The following PLCL1 variants were observed in gnomAD, a reference collection of about 807,000 sequenced individuals.
PLCL1 encodes phospholipase C like 1 (inactive), also known as inactive phospholipase C-like protein 1.
Under a neutral mutation model 84.4 loss-of-function variants are expected in PLCL1, and 41 were observed. That is an observed-to-expected ratio of 0.49 (90% CI 0.38 to 0.63). The LOEUF (loss-of-function observed/expected upper bound fraction) is 0.63. Ranked by LOEUF, PLCL1 falls within the 30% of genes least tolerant of loss-of-function variation. PLCL1 has a pLI of 0.00. For missense variants in PLCL1, 1,206 were observed against 1,367.8 expected (o/e 0.88, Z 1.87); for synonymous variants, 490 against 488.3 (o/e 1.00, Z -0.05).
chr2:197,973,683 G>A (rs1689912062), intron 1 of PLCL1, among the ~76,000 whole-genome samples: 2 of 152,188 alleles, frequency 1.3e-5, no homozygotes, highest in South Asian at 4.1e-4. Flanking sequence ...TCAGGGAAAA[G>A]GAAGAAGTCC....
At chr2:197,822,805 T>C (rs1413010727) in intron 1 of PLCL1, among the ~76,000 whole-genome samples, 1 of 152,158 alleles carries the variant, frequency 6.6e-6, no homozygotes, top group Non-Finnish European at 1.5e-5. Flanking sequence ...TTTTGGATCC[T>C]GTATTTCTAC....
intron 1 of PLCL1, among the ~76,000 whole-genome samples, chr2:197,851,460 G>A (rs1444210277): frequency 6.6e-6 from 1 of 152,234 alleles, no homozygotes; most frequent in Non-Finnish European, 1.5e-5. Flanking sequence ...TGGAATAAAA[G>A]CAGTGCTCTG....
intron 1 of PLCL1, among the ~76,000 whole-genome samples, chr2:197,880,430 G>C (rs1574928567): frequency 6.6e-6 from 1 of 152,180 alleles, no homozygotes; most frequent in African/African-American, 2.4e-5. Context: ...CTATTTTTAT[G>C]TGAAAAGTAA....
In PLCL1 at chr2:198,086,201, G is replaced by T; in HGVS notation, c.2684G>T (p.Arg895Leu). The part of the protein sequence containing the change: ...DIFKIAVHPL[R>L]EAIDMRENMQ... The stretch of plus-strand genomic sequence containing the variant: ...TTTAAAATAGCGGTTCATCCATTAC[G>T]AGAAGCCATAGATATGAGAGAAAAT... The change falls in exon 2 of 6, where the codon CGA (arginine) becomes CTA (leucine). Residue 895 changes from arginine (R) to leucine (L), a missense_variant. Arg to Leu is a moderately radical substitution (Grantham distance 102). Coordinates refer to ENST00000428675, the MANE Select transcript of PLCL1 (RefSeq NM_006226.4). 6.2e-7 allele frequency: 1 copy of T among 1,612,880 alleles called. No individual in the cohort carries two copies. Among genetic ancestry groups the T allele is most frequent in the Non-Finnish European group, 8.5e-7 (1 of 1,179,120 alleles).
chr2:197,959,606 C>A (rs1053312311), intron 1 of PLCL1, among the ~76,000 whole-genome samples: 2 of 151,868 alleles, frequency 1.3e-5, no homozygotes, highest in Admixed American at 6.6e-5. Context: ...TGGAACACAC[C>A]CTGAAAAGTG....
chr2:198,005,989 C>T (rs1368840749), intron 1 of PLCL1, among the ~76,000 whole-genome samples: 3 of 152,148 alleles, frequency 2.0e-5, no homozygotes, highest in Admixed American at 2.0e-4. Flanking sequence ...AATAGGAATG[C>T]TGATTAAGGC....
intron 5 of PLCL1, among the ~76,000 whole-genome samples, chr2:198,112,749 A>G (rs16827694): frequency 0.094 from 14,317 of 151,930 alleles, 2,266 homozygotes; most frequent in African/African-American, 0.32. Flanking sequence ...TGCCAGAAAC[A>G]TTTGGTGAAC....
intron 5 of PLCL1, among the ~76,000 whole-genome samples, chr2:198,113,634 C>A (rs532280006): frequency 6.6e-6 from 1 of 151,916 alleles, no homozygotes. Context: ...TCATGGATTC[C>A]AAAACCCTGC....
intron 1 of PLCL1, among the ~76,000 whole-genome samples, chr2:197,962,484 T>C (rs905390259): frequency 1.3e-5 from 2 of 152,104 alleles, no homozygotes; most frequent in African/African-American, 2.4e-5. Context: ...AGTAGGTATA[T>C]ATATTTATGG....
chr2:197,854,469 T>C (rs1283114043), intron 1 of PLCL1, among the ~76,000 whole-genome samples: 9 of 152,148 alleles, frequency 5.9e-5, no homozygotes, highest in African/African-American at 9.7e-5. Flanking sequence ...TCTTCATGCT[T>C]CTTTAGTTTC....
At chr2:198,094,967 A>T (rs1357846309) in intron 3 of PLCL1, among the ~76,000 whole-genome samples, 1 of 152,180 alleles carries the variant, frequency 6.6e-6, no homozygotes, top group African/African-American at 2.4e-5. Flanking sequence ...CTAAAACAGC[A>T]CTAGAGGGAA....
rs554178304 is a variant in PLCL1, at chr2:198,103,430, C to T, written c.2996-397C>T. Among the ~76,000 whole-genome samples the T allele has an allele frequency of 7.6e-4, 116 of 152,026 alleles. 3 individuals carry two copies. The South Asian group carries it at 0.023, about 31-fold the overall frequency. The stretch of plus-strand genomic sequence containing the variant: ...CCTCAAGCATTTCTCTTTTGTGTTA[C>T]AAACAATCCAATTATACTGTTTTAG... On this transcript the variant is annotated intron_variant, in intron 4 of 5. Transcript: ENST00000428675.
chr2:197,911,079 C>G (rs1688476051), intron 1 of PLCL1, among the ~76,000 whole-genome samples: 1 of 152,166 alleles, frequency 6.6e-6, no homozygotes, highest in Non-Finnish European at 1.5e-5. Context: ...ATTCAGTCAT[C>G]TTTTAATAAT....
intron 5 of PLCL1, among the ~76,000 whole-genome samples, chr2:198,127,320 G>A (rs1299485416): frequency 6.6e-6 from 1 of 152,098 alleles, no homozygotes; most frequent in Non-Finnish European, 1.5e-5. Flanking sequence ...AAACCTGAGA[G>A]CTTTACATCA....
intron 1 of PLCL1, among the ~76,000 whole-genome samples, chr2:197,979,065 AT>A (rs1312040155): frequency 6.6e-6 from 1 of 151,940 alleles, no homozygotes; most frequent in African/African-American, 2.4e-5. Flanking sequence ...CATTTGAACA[AT>A]TTTTCAGTTG....
At position 198,085,545 on chromosome 2, in the gene PLCL1, A is replaced by G. The variant is rs778624762; in HGVS notation, c.2028A>G (p.Pro676=). 1.9e-6 allele frequency: 3 copies of G among 1,614,094 alleles called. No homozygotes were observed. Among genetic ancestry groups the G allele is most frequent in the South Asian group, 2.2e-5 (2 of 91,086 alleles). ...CAATGAATTTTCAGACTCCGGGTCC[A>G]ATGATGGACCTTCACACGGGCTGGT... ...IVAMNFQTPG[P]MMDLHTGWFL... The change falls in exon 2 of 6, where the codon CCA becomes CCG. Residue 676 remains proline, a synonymous_variant. Transcript: ENST00000428675. The surrounding 1 kb of genome is among the most constrained non-coding windows in gnomAD (Gnocchi z 5.3).
intron 1 of PLCL1, among the ~76,000 whole-genome samples, chr2:197,930,851 T>C (rs1480312591): frequency 6.6e-6 from 1 of 152,218 alleles, no homozygotes; most frequent in Non-Finnish European, 1.5e-5. Context: ...GTCAAAGTTC[T>C]TTTTTCTATC....
At chr2:198,063,412 T>C (rs1692250892) in intron 1 of PLCL1, among the ~76,000 whole-genome samples, 1 of 152,006 alleles carries the variant, frequency 6.6e-6, no homozygotes, top group South Asian at 2.1e-4. Context: ...AACAACATAA[T>C]CAGAAGCAAA....
At chr2:197,878,659 A>T (rs1470081437) in intron 1 of PLCL1, among the ~76,000 whole-genome samples, 1 of 152,094 alleles carries the variant, frequency 6.6e-6, no homozygotes, top group Non-Finnish European at 1.5e-5. Context: ...GTGTGTGTAT[A>T]CAAAGTTCAT....
Sources: gnomAD v4.1 joint callset for allele counts (sites outside exome capture counted in the v4.1 genomes callset) on GRCh38, gnomAD v4.1.1 for gene constraint, Gnocchi (gnomAD v3.1) non-coding constraint, MANE v1.5 for transcripts, NCBI Gene and HGNC (gene_info 2026-07-23, HGNC 2026-07-21) for gene names.